The following UBE4B variants were observed in gnomAD, a reference collection of about 807,000 sequenced individuals.
The protein encoded by UBE4B is ubiquitination factor E4B.
Under a neutral mutation model 148.1 loss-of-function variants are expected in UBE4B, and 27 were observed. That is an observed-to-expected ratio of 0.18 (90% CI 0.13 to 0.25). The LOEUF (loss-of-function observed/expected upper bound fraction) is 0.25. UBE4B is among the 10% of genes least tolerant of loss of function. The pLI, the probability that UBE4B is intolerant of heterozygous loss-of-function variation, is 1.00. For synonymous variants in UBE4B, 596 were observed against 619.3 expected, an observed-to-expected ratio of 0.96 and a Z score of 0.56; for missense variants, 1,170 against 1,662.4, an observed-to-expected ratio of 0.70 and a Z score of 5.15.
Position 10,175,646 on chromosome 1 carries a change from G to A in UBE4B, c.3526-2998G>A, listed in dbSNP as rs538784970. Among the ~76,000 whole-genome samples the A allele has an allele frequency of 7.9e-4, 120 of 151,572 alleles. 1 individual carries two copies. Among genetic ancestry groups the A allele is most frequent in the Admixed American group, 2.6e-3 (40 of 15,224 alleles). On this transcript the variant is annotated intron_variant, in intron 25 of 27. Coordinates refer to ENST00000343090, the MANE Select transcript of UBE4B (RefSeq NM_001105562.3). Reference sequence around the variant, plus strand: ...AGCCTGGGCGACAGAGCGAGACTCCGTCTCAAATAAATAAATAAATAAATA... The same window carrying A: ...AGCCTGGGCGACAGAGCGAGACTCCATCTCAAATAAATAAATAAATAAATA...
chr1:10,151,981 G>T (rs75509194), intron 21 of UBE4B, among the ~76,000 whole-genome samples: 2,658 of 152,116 alleles, frequency 0.017, 36 homozygotes, highest in Non-Finnish European at 0.027. Context: ...TTCTTGGTCC[G>T]GGTGCGGTGG....
At position 10,121,836 on chromosome 1, in the gene UBE4B, T is replaced by G; in HGVS notation, c.1440-126T>G. On this transcript the variant is annotated intron_variant, in intron 9 of 27. Coordinates refer to ENST00000343090, the MANE Select transcript of UBE4B (RefSeq NM_001105562.3). ...AAGGGTTAGCTTTCGCCTGAAACTA[T>G]TTTGCAGAATATTTGGGAGATGTCA... 5 of 560,556 alleles carry G rather than the reference T, an allele frequency of 8.9e-6. No homozygotes were observed. In the South Asian group the frequency reaches 1.3e-4, roughly 14 times the overall value. 34.7% of individuals were successfully genotyped at this position (560,556 alleles called of 1,614,324 possible). A position where few individuals can be genotyped will look rare whatever the true frequency, so the allele number is the denominator to read the frequency against.
Position 10,093,627 on chromosome 1 carries a change from A to C in UBE4B, c.212-1834A>C, listed in dbSNP as rs142599147. ...AGAATGCTGGAAGGGTTAAAATTGT[A>C]TTTATTCAGTGATTGTTTTCACTAC... On this transcript the variant is annotated intron_variant, in intron 2 of 27. Coordinates refer to ENST00000343090, the MANE Select transcript of UBE4B (RefSeq NM_001105562.3). Among the ~76,000 whole-genome samples, 352 of 152,050 alleles carry C rather than the reference A, an allele frequency of 2.3e-3. 4 individuals are homozygous for C. The highest frequency in any genetic ancestry group is 3.5e-3 in the Non-Finnish European group (241 of 67,962).
At chr1:10,038,080 A>G (rs1382052740) in intron 1 of UBE4B, among the ~76,000 whole-genome samples, 1 of 151,848 alleles carries the variant, frequency 6.6e-6, no homozygotes, top group Non-Finnish European at 1.5e-5. Flanking sequence ...CGGGAGTTCA[A>G]GACCAGCCTG....
chr1:10,035,943 C>T (rs1289959470), intron 1 of UBE4B, among the ~76,000 whole-genome samples: 5 of 150,584 alleles, frequency 3.3e-5, no homozygotes, highest in African/African-American at 1.2e-4. Flanking sequence ...CGGGGTTTCA[C>T]CGTGTTAGCC....
In UBE4B at chr1:10,106,490, C is replaced by G. The variant is rs1409644352; in HGVS notation, c.1103C>G (p.Ser368Cys). 7 of 1,613,480 alleles carry G rather than the reference C, an allele frequency of 4.3e-6. No individual in the cohort carries two copies. In the South Asian group the frequency reaches 4.4e-5, roughly 10 times the overall value. ...SSPQAVPASS[S>C]RQRPSSTGPP... is the part of the protein sequence containing the mutation. The stretch of plus-strand genomic sequence containing the variant: ...CCCCAAGCAGTGCCCGCCAGCAGTT[C>G]CAGACAGAGGCCCAGCAGCACGGGT... The change falls in exon 7 of 28, where the codon TCC becomes TGC. Residue 368 changes from serine to cysteine, a missense_variant. By Grantham distance (112) the Ser-to-Cys change is moderately radical (BLOSUM62 -1). This residue lies in a region of UBE4B where 214 missense variants were observed against 209.1 expected (regional missense o/e 1.02). Transcript: ENST00000343090. The surrounding 1 kb of genome is among the most constrained non-coding windows in gnomAD (Gnocchi z 4.2).
At chr1:10,035,952 C>T (rs1294706997) in intron 1 of UBE4B, among the ~76,000 whole-genome samples, 1 of 138,700 alleles carries the variant, frequency 7.2e-6, no homozygotes, top group Non-Finnish European at 1.6e-5. Context: ...ACCGTGTTAG[C>T]CCAGGATGGT....
chr1:10,102,796 T>A, intron 4 of UBE4B, 152 bp from the exon 5 acceptor site: 1 of 750,098 alleles, frequency 1.3e-6, no homozygotes, highest in Non-Finnish European at 2.1e-6. Context: ...AGGAATAGGC[T>A]TACTTTTCCC....
chr1:10,176,831 G>A (rs1180847845), intron 25 of UBE4B, among the ~76,000 whole-genome samples: 2 of 146,620 alleles, frequency 1.4e-5, no homozygotes, highest in African/African-American at 5.1e-5. Context: ...TGTTGCCCAG[G>A]CTGGAGTGCA....
intron 7 of UBE4B, among the ~76,000 whole-genome samples, chr1:10,110,244 T>C (rs1645195760): frequency 6.6e-6 from 1 of 152,234 alleles, no homozygotes; most frequent in African/African-American, 2.4e-5. Context: ...ATTTATATGT[T>C]AAGTATTTAT....
chr1:10,157,054 C>T (rs967013159), intron 21 of UBE4B, among the ~76,000 whole-genome samples: 7 of 152,096 alleles, frequency 4.6e-5, no homozygotes, highest in African/African-American at 1.2e-4. Flanking sequence ...CTTGCTTTGT[C>T]GCCCAGGCTG....
chr1:10,165,559 C>T (rs1009065969), intron 23 of UBE4B, among the ~76,000 whole-genome samples: 3 of 152,092 alleles, frequency 2.0e-5, no homozygotes, highest in East Asian at 3.9e-4. Flanking sequence ...GCCTACAGCA[C>T]GCAGGAGGAC....
chr1:10,086,830 T>C (rs1644773369), intron 2 of UBE4B, among the ~76,000 whole-genome samples: 1 of 152,046 alleles, frequency 6.6e-6, no homozygotes, highest in Non-Finnish European at 1.5e-5. Flanking sequence ...GCTGGGACTA[T>C]AGGCATGTGC....
chr1:10,045,293 A>G (rs531283512), intron 1 of UBE4B, among the ~76,000 whole-genome samples: 61 of 152,326 alleles, frequency 4.0e-4, no homozygotes, highest in African/African-American at 1.4e-3. Context: ...GCCGAAATCC[A>G]TAAGTGTGTG....
intron 7 of UBE4B, chr1:10,107,348 T>G: frequency 1.6e-6 from 2 of 1,289,020 alleles, no homozygotes; most frequent in South Asian, 2.5e-5. Context: ...GTGGTGATGA[T>G]TTTTCTTGTG....
Position 10,168,240 on chromosome 1 carries a change from G to A in UBE4B, c.3303G>A (p.Thr1101=), listed in dbSNP as rs768716008. The A allele has an allele frequency of 3.8e-5, 62 of 1,613,956 alleles. No individual in the cohort carries two copies. The highest frequency in any genetic ancestry group is 4.7e-5 in the Non-Finnish European group (56 of 1,180,026). ...TETVDMFHIL[T]KQVQKPFLRP... ...CCGTGGACATGTTCCACATCCTCAC[G>A]AAGCAGGTCCAGAAGCCCTTCCTCA... The change falls in exon 24 of 28, where the codon ACG becomes ACA. Residue 1101 remains threonine, a synonymous_variant. Coordinates refer to ENST00000343090, the MANE Select transcript of UBE4B (RefSeq NM_001105562.3). The surrounding 1 kb of genome is among the most constrained non-coding windows in gnomAD (Gnocchi z 4.9).
intron 19 of UBE4B, among the ~76,000 whole-genome samples, chr1:10,147,908 G>A (rs772874655): frequency 1.5e-4 from 23 of 152,160 alleles, no homozygotes; most frequent in Non-Finnish European, 3.1e-4. Context: ...CCCAAGACCC[G>A]TGAAGGCGTG....
chr1:10,074,345 C>CT (rs36052900), intron 2 of UBE4B, among the ~76,000 whole-genome samples: 40,779 of 146,626 alleles, frequency 0.28, 8,520 homozygotes, highest in African/African-American at 0.59. Flanking sequence ...CTCATATGGC[C>CT]TTTTTTTTTT....
chr1:10,042,652 C>T (rs374079816), intron 1 of UBE4B, among the ~76,000 whole-genome samples: 5 of 152,142 alleles, frequency 3.3e-5, no homozygotes, highest in Admixed American at 6.5e-5. Flanking sequence ...GTCTCAAAAG[C>T]AAAGAAACAA....
Sources: allele counts gnomAD v4.1 joint callset (sites outside exome capture counted in the v4.1 genomes callset), GRCh38; gene constraint gnomAD v4.1.1; regional missense constraint gnomAD v4.1.1; non-coding constraint Gnocchi (gnomAD v3.1); transcripts MANE v1.5; gene names NCBI Gene and HGNC (gene_info 2026-07-23, HGNC 2026-07-21).